The following SNTG2 variants were observed in gnomAD, a reference collection of about 807,000 sequenced individuals.
SNTG2 encodes the protein syntrophin gamma 2, also known as gamma-2-syntrophin.
SNTG2 carries 74 observed loss-of-function variants against 70.9 expected under a neutral mutation model. The ratio of observed to expected loss-of-function variants is 1.04; its 90% CI spans 0.86 to 1.27. The LOEUF is 1.27. Among genes scored for constraint, SNTG2 ranks in the 50% most tolerant of loss-of-function variants. The pLI is 0.00. For synonymous variants in SNTG2, 278 were observed against 273.8 expected (o/e 1.02, Z -0.15); for missense variants, 717 against 690.7 (o/e 1.04, Z -0.43).
intron 4 of SNTG2, among the ~76,000 whole-genome samples, chr2:1,122,136 C>T (rs111878843): frequency 2.0e-3 from 309 of 152,238 alleles, no homozygotes; most frequent in African/African-American, 7.0e-3. Flanking sequence ...CAAAAGAAAG[C>T]ATGGGACCAG....
Position 1,259,380 on chromosome 2 carries a change from T to C in SNTG2, c.1016T>C (p.Phe339Ser). The change falls in exon 13 of 17, where the codon TTC becomes TCC. Residue 339 changes from phenylalanine to serine, a missense_variant. Physicochemically the swap from Phe to Ser is radical, Grantham distance 155 (BLOSUM62 -2). Coordinates refer to ENST00000308624, the MANE Select transcript of SNTG2 (RefSeq NM_018968.4). ...CTCTGTTTCTTGCAGGTGAGCACAT[T>C]CGATTGGGTGCGAGCAGAAAGGACC... ...YVFSTPPVSTFDWVRAERTYH... is the reference protein window; with the variant it reads ...YVFSTPPVSTSDWVRAERTYH... The C allele has an allele frequency of 6.2e-7, 1 of 1,614,008 alleles. No homozygotes were observed. Among genetic ancestry groups the C allele is most frequent in the Non-Finnish European group, 8.5e-7 (1 of 1,179,878 alleles).
intron 2 of SNTG2, among the ~76,000 whole-genome samples, chr2:1,096,173 C>G (rs1665378722): frequency 6.6e-6 from 1 of 152,114 alleles, no homozygotes; most frequent in African/African-American, 2.4e-5. Context: ...AACCCTCTGT[C>G]CACATAATGG....
rs183919825 is a variant in SNTG2 at position 1,025,879 on chromosome 2, T to C, written c.73-57639T>C. ...AACATAGACAGCATCATTCATTCAT[T>C]CATTCATTCATGAGACCCTGAGACT... is the stretch of plus-strand genomic sequence containing the variant. On this transcript the variant is annotated intron_variant, in intron 1 of 16. Coordinates refer to ENST00000308624, the MANE Select transcript of SNTG2 (RefSeq NM_018968.4). Among the ~76,000 whole-genome samples, 81 of 152,362 alleles carry C rather than the reference T, an allele frequency of 5.3e-4. 1 individual carries two copies. The highest frequency in any genetic ancestry group is 1.2e-3 in the Admixed American group (18 of 15,310).
intron 14 of SNTG2, among the ~76,000 whole-genome samples, chr2:1,284,032 G>T (rs978948280): frequency 1.2e-4 from 18 of 152,192 alleles, no homozygotes; most frequent in African/African-American, 4.3e-4. Flanking sequence ...CCGTTGTGAA[G>T]AATGATCCTG....
intron 3 of SNTG2, 42 bp from the exon 4 acceptor site, chr2:1,098,311 A>T: frequency 6.2e-7 from 1 of 1,613,828 alleles, no homozygotes; most frequent in Non-Finnish European, 8.5e-7. Flanking sequence ...TCCAGTGTGA[A>T]TCATGATAAC....
At chr2:1,090,045 C>T (rs1280245730) in intron 2 of SNTG2, among the ~76,000 whole-genome samples, 1 of 152,150 alleles carries the variant, frequency 6.6e-6, no homozygotes, top group Non-Finnish European at 1.5e-5. Context: ...CGCATTTTTC[C>T]ACAGACAACA....
intron 14 of SNTG2, among the ~76,000 whole-genome samples, chr2:1,295,074 G>A (rs1039364712): frequency 2.6e-5 from 4 of 152,222 alleles, no homozygotes; most frequent in African/African-American, 7.2e-5. Context: ...CTGGGGAGAT[G>A]ATGATGCTGG....
At chr2:1,280,011 A>G (rs889030648) in intron 14 of SNTG2, among the ~76,000 whole-genome samples, 1 of 152,232 alleles carries the variant, frequency 6.6e-6, no homozygotes, top group Non-Finnish European at 1.5e-5. Context: ...ATTGATGTTT[A>G]TAAAGCACTT....
chr2:1,042,659 A>T (rs1661505977), intron 1 of SNTG2, among the ~76,000 whole-genome samples: 1 of 152,166 alleles, frequency 6.6e-6, no homozygotes, highest in African/African-American at 2.4e-5. Flanking sequence ...ACTTAGGATA[A>T]TGGCCTCCAG....
Position 1,319,574 on chromosome 2 carries a change from C to T in SNTG2, c.1488+3199C>T, listed in dbSNP as rs1415587461. On this transcript the variant is annotated intron_variant, in intron 16 of 16. Transcript: ENST00000308624. The stretch of plus-strand genomic sequence containing the variant: ...TAGGGACCTCACAAGAGCAGTGACC[C>T]GAGGGCCCTGGGCACGTCGCTTGGG... Among the ~76,000 whole-genome samples, 3 of 152,138 alleles carry T rather than the reference C, an allele frequency of 2.0e-5. No individual in the cohort carries two copies. In the East Asian group the frequency reaches 5.8e-4, roughly 29 times the overall value.
At chr2:1,041,198 C>T (rs1296313696) in intron 1 of SNTG2, among the ~76,000 whole-genome samples, 1 of 152,118 alleles carries the variant, frequency 6.6e-6, no homozygotes. Context: ...GCTCTCAGTG[C>T]GGTGCTTAGT....
At chr2:1,038,706 C>T (rs1168597324) in intron 1 of SNTG2, among the ~76,000 whole-genome samples, 4 of 152,114 alleles carry the variant, frequency 2.6e-5, no homozygotes, top group Non-Finnish European at 5.9e-5. Context: ...TCAAGCTCAC[C>T]TTTGTAACAG....
chr2:953,364 G>T (rs974052661), intron 1 of SNTG2, among the ~76,000 whole-genome samples: 21 of 152,236 alleles, frequency 1.4e-4, no homozygotes, highest in African/African-American at 5.1e-4. Flanking sequence ...CACTTCTTCA[G>T]TCTGGGGCGC....
chr2:1,184,245 A>G (rs1672110289), intron 8 of SNTG2, among the ~76,000 whole-genome samples: 1 of 152,224 alleles, frequency 6.6e-6, no homozygotes, highest in South Asian at 2.1e-4. Context: ...CTGAAAACAC[A>G]TTTAATTTAG....
intron 9 of SNTG2, among the ~76,000 whole-genome samples, chr2:1,227,742 TC>T (rs1675889599): frequency 1.3e-5 from 2 of 152,206 alleles, no homozygotes; most frequent in Admixed American, 1.3e-4. Context: ...ATTAATCATT[TC>T]CTCTGAGACA....
At chr2:1,224,000 G>C (rs1375587569) in intron 9 of SNTG2, among the ~76,000 whole-genome samples, 1 of 149,850 alleles carries the variant, frequency 6.7e-6, no homozygotes, top group Non-Finnish European at 1.5e-5. Flanking sequence ...TGCAAGTGCA[G>C]GGTCAGGTGG....
chr2:1,028,673 A>G (rs1448831201), intron 1 of SNTG2, among the ~76,000 whole-genome samples: 1 of 151,496 alleles, frequency 6.6e-6, no homozygotes. Flanking sequence ...TACAACACTG[A>G]GTAGTTAGAA....
chr2:1,160,181 G>T (rs977356469), intron 6 of SNTG2: 1 of 152,146 alleles, frequency 6.6e-6, no homozygotes. Context: ...ATCTACACGT[G>T]TGGCTGCTGG....
chr2:1,095,841 T>G lies in SNTG2; in HGVS notation c.211-2355T>G, dbSNP rs180753210. The stretch of plus-strand genomic sequence containing the variant: ...TCCATACAGAGAGGCCTCCAGTTAC[T>G]ATGACGTAGATAATTCAATTTTCTC... On this transcript the variant is annotated intron_variant, in intron 2 of 16. Transcript: ENST00000308624. Among the ~76,000 whole-genome samples, 343 of 152,320 alleles carry G rather than the reference T, an allele frequency of 2.3e-3. 2 individuals carry two copies. Among genetic ancestry groups the G allele is most frequent in the African/African-American group, 6.1e-3 (255 of 41,566 alleles).
Sources: allele counts gnomAD v4.1 joint callset (sites outside exome capture counted in the v4.1 genomes callset), GRCh38; gene constraint gnomAD v4.1.1; transcripts MANE v1.5; gene names NCBI Gene and HGNC (gene_info 2026-07-23, HGNC 2026-07-21).